CYRIA: variants seen among roughly 807,000 people sequenced by gnomAD.
CYRIA encodes CYFIP related Rac1 interactor A.
CYRIA carries 15 observed loss-of-function variants against 43.9 expected under a neutral mutation model. The observed-to-expected ratio is 0.34, with a 90% CI of 0.23 to 0.53. The LOEUF (loss-of-function observed/expected upper bound fraction) is 0.53, where lower values mean the gene tolerates loss of function less well. Ranked by LOEUF, CYRIA falls within the 20% of genes least tolerant of loss-of-function variation. The pLI is 0.94. For synonymous variants in CYRIA, 117 were observed against 136.0 expected, an observed-to-expected ratio of 0.86 and a Z score of 0.97; for missense variants, 236 against 394.2, an observed-to-expected ratio of 0.60 and a Z score of 3.40.
intron 2 of CYRIA, among the ~76,000 whole-genome samples, chr2:16,592,618 G>A (rs1226802267): frequency 6.6e-6 from 1 of 152,118 alleles, no homozygotes; most frequent in African/African-American, 2.4e-5. Flanking sequence ...CTAACTTGCA[G>A]GGATTAAGAC....
chr2:16,612,386 G>A (rs2103492814), intron 2 of CYRIA, among the ~76,000 whole-genome samples: 1 of 152,166 alleles, frequency 6.6e-6, no homozygotes, highest in South Asian at 2.1e-4. Flanking sequence ...GAGGAAAAAA[G>A]AGGGTGGGAT....
At chr2:16,618,894 C>T (rs560787722) in intron 2 of CYRIA, among the ~76,000 whole-genome samples, 1 of 152,332 alleles carries the variant, frequency 6.6e-6, no homozygotes, top group African/African-American at 2.4e-5. Context: ...CAAGTCCAAA[C>T]ACAATGCTTA....
Position 16,598,465 on chromosome 2 carries a change from G to A in CYRIA, c.-10-10336C>T, listed in dbSNP as rs1170606301. Among the ~76,000 whole-genome samples, 8 of 53,714 alleles carry A rather than the reference G, an allele frequency of 1.5e-4. 1 individual carries two copies. Among genetic ancestry groups the A allele is most frequent in the Admixed American group, 1.2e-3 (6 of 4,856 alleles). 35.2% of individuals were successfully genotyped at this position (53,714 alleles called of 152,430 possible). A position where few individuals can be genotyped will look rare whatever the true frequency, so the allele number is the denominator to read the frequency against. On this transcript the variant is annotated intron_variant, in intron 2 of 11. Transcript: ENST00000381323. ...CTTTTTTCTCTAAACTTCCCTTCTC[G>A]CTTCATTTCATTCATTTCATCTTCC...
At chr2:16,564,132 G>A in intron 4 of CYRIA, 38 bp from the exon 5 acceptor site, 5 of 1,510,560 alleles carry the variant, frequency 3.3e-6, no homozygotes, top group Non-Finnish European at 4.6e-6. Flanking sequence ...TTAAAAAGAA[G>A]TGGTAAGCTC....
chr2:16,625,382 TG>T (rs1669131591), intron 1 of CYRIA, among the ~76,000 whole-genome samples: 1 of 72,342 alleles, frequency 1.4e-5, no homozygotes, highest in African/African-American at 5.6e-5. Flanking sequence ...AGAGATGGGG[TG>T]GGGGTGGAGA....
At chr2:16,606,188 C>T (rs954614271) in intron 2 of CYRIA, among the ~76,000 whole-genome samples, 2 of 152,118 alleles carry the variant, frequency 1.3e-5, no homozygotes, top group Non-Finnish European at 2.9e-5. Flanking sequence ...TCCACTCTTT[C>T]CAAAATCTTC....
intron 1 of CYRIA, among the ~76,000 whole-genome samples, chr2:16,640,184 C>A (rs779672404): frequency 5.9e-5 from 9 of 152,248 alleles, no homozygotes; most frequent in Non-Finnish European, 1.0e-4. Flanking sequence ...AAAAATTTAT[C>A]ATCAGCAATC....
At chr2:16,646,331 A>C (rs1669819992) in intron 1 of CYRIA, among the ~76,000 whole-genome samples, 1 of 152,244 alleles carries the variant, frequency 6.6e-6, no homozygotes, top group Admixed American at 6.5e-5. Flanking sequence ...CCATGCAGCC[A>C]TGACATAGCA....
intron 1 of CYRIA, among the ~76,000 whole-genome samples, chr2:16,653,688 G>C (rs1670029873): frequency 6.6e-6 from 1 of 152,182 alleles, no homozygotes; most frequent in African/African-American, 2.4e-5. Context: ...TGCTCAATAA[G>C]TATCTGTTGA....
chr2:16,663,672 A>G (rs532204277), intron 1 of CYRIA, among the ~76,000 whole-genome samples: 4 of 152,068 alleles, frequency 2.6e-5, no homozygotes, highest in African/African-American at 9.6e-5. Context: ...GTGCTGAGTA[A>G]AAACAGGAAG....
In CYRIA at chr2:16,551,286, T is replaced by A. The variant is rs1666299966; in HGVS notation, c.*1650A>T. ...GGAGTCTTATAGCTCATTCCTGGGA[T>A]GTTGCAAATAATGCCAAACTCTGAT... is the stretch of plus-strand genomic sequence containing the variant. On this transcript the variant is annotated 3_prime_UTR_variant, in exon 12 of 12. Transcript: ENST00000381323. 1 of 152,180 alleles carries A rather than the reference T, an allele frequency of 6.6e-6. No individual in the cohort carries two copies. Among genetic ancestry groups the A allele is most frequent in the Non-Finnish European group, 1.5e-5 (1 of 68,014 alleles). The allele number at this position is 152,180 out of a possible 1,614,324, so 9.4% of individuals were successfully genotyped here. A position where few individuals can be genotyped will look rare whatever the true frequency, so the allele number is the denominator to read the frequency against.
intron 1 of CYRIA, among the ~76,000 whole-genome samples, chr2:16,628,819 T>A (rs1669238875): frequency 1.3e-5 from 2 of 152,152 alleles, no homozygotes; most frequent in Non-Finnish European, 2.9e-5. Flanking sequence ...TTCCAAATAA[T>A]CCACTCTCCC....
At chr2:16,608,248 C>T (rs115360017) in intron 2 of CYRIA, among the ~76,000 whole-genome samples, 357 of 152,274 alleles carry the variant, frequency 2.3e-3, no homozygotes, top group African/African-American at 7.8e-3. Context: ...GTGAGAGAAA[C>T]GGGTCTGAGA....
At chr2:16,644,912 T>C (rs915355535) in intron 1 of CYRIA, among the ~76,000 whole-genome samples, 9 of 152,236 alleles carry the variant, frequency 5.9e-5, no homozygotes, top group Admixed American at 3.3e-4. Flanking sequence ...AGACGGCAGC[T>C]GATTGAATTT....
intron 3 of CYRIA, among the ~76,000 whole-genome samples, chr2:16,567,407 A>G (rs1666972481): frequency 6.6e-6 from 1 of 152,008 alleles, no homozygotes; most frequent in African/African-American, 2.4e-5. Context: ...CATCTCAAAA[A>G]ACAACAACAA....
intron 1 of CYRIA, among the ~76,000 whole-genome samples, chr2:16,646,175 A>G (rs1268125845): frequency 6.6e-6 from 1 of 152,204 alleles, no homozygotes; most frequent in African/African-American, 2.4e-5. Flanking sequence ...TTTTCCAACC[A>G]TGTAGCAAAG....
chr2:16,592,960 T>A (rs897921435), intron 2 of CYRIA, among the ~76,000 whole-genome samples: 1 of 152,178 alleles, frequency 6.6e-6, no homozygotes, highest in Admixed American at 6.5e-5. Flanking sequence ...AAGCACCATC[T>A]AACTGCCTGT....
chr2:16,599,809 T>C (rs1009271038), intron 2 of CYRIA, among the ~76,000 whole-genome samples: 4 of 152,130 alleles, frequency 2.6e-5, no homozygotes, highest in African/African-American at 9.7e-5. Flanking sequence ...CAGGCTGGAG[T>C]GCAGTAGCGC....
At chr2:16,632,264 G>A (rs1399458118) in intron 1 of CYRIA, among the ~76,000 whole-genome samples, 1 of 152,200 alleles carries the variant, frequency 6.6e-6, no homozygotes, top group Non-Finnish European at 1.5e-5. Flanking sequence ...CTTAACCTAG[G>A]AGACACACTG....
Sources: gnomAD v4.1 joint callset for allele counts (sites outside exome capture counted in the v4.1 genomes callset) on GRCh38, gnomAD v4.1.1 for gene constraint, MANE v1.5 for transcripts, NCBI Gene and HGNC (gene_info 2026-07-23, HGNC 2026-07-21) for gene names.